Variants in UPB1 observed in about 807,000 individuals in gnomAD.
UPB1 encodes beta-ureidopropionase.
Under a neutral mutation model 49.1 loss-of-function variants are expected in UPB1, and 40 were observed. That is an observed-to-expected ratio of 0.81 (90% CI 0.63 to 1.06). The LOEUF is 1.06. Ranked by LOEUF, UPB1 falls within the 50% of genes least tolerant of loss-of-function variation. UPB1 has a pLI of 0.00. For synonymous variants in UPB1, 207 were observed against 198.2 expected (o/e 1.04, Z -0.38); for missense variants, 499 against 505.9 (o/e 0.99, Z 0.13).
intron 9 of UPB1, among the ~76,000 whole-genome samples, chr22:24,525,389 C>T (rs1478957091): frequency 6.6e-6 from 1 of 152,202 alleles, no homozygotes; most frequent in Non-Finnish European, 1.5e-5. Context: ...GAGCAGGTCA[C>T]TCCTCTCTGG....
Position 24,525,734 on chromosome 22 carries a change from C to T in UPB1, c.1095C>T (p.Tyr365=), listed in dbSNP as rs758505891. ...NFKMTGRYEM[Y]ARELAEAVKS... is the part of the protein sequence containing the mutation. Reference sequence around the variant, plus strand: ...AGATGACGGGCAGGTATGAGATGTACGCACGGGAGCTCGCCGAAGCTGTCA... The same window carrying T: ...AGATGACGGGCAGGTATGAGATGTATGCACGGGAGCTCGCCGAAGCTGTCA... The change falls in exon 10 of 10, where the codon TAC becomes TAT. Residue 365 remains tyrosine (Y), a synonymous_variant. Coordinates refer to ENST00000326010, the MANE Select transcript of UPB1 (RefSeq NM_016327.3). 3.2e-5 allele frequency: 51 copies of T among 1,614,040 alleles called. No homozygotes were observed. In the South Asian group the frequency reaches 4.5e-4, roughly 14 times the overall value.
At position 24,526,255 on chromosome 22, in the gene UPB1, A is replaced by G. The variant is rs1186245706; in HGVS notation, c.*461A>G. On this transcript the variant is annotated 3_prime_UTR_variant, in exon 10 of 10. Transcript: ENST00000326010. The stretch of plus-strand genomic sequence containing the variant: ...GGATGTGTCAGCTTAGCTAGGCCAC[A>G]GTCACCAGTAATTCAATCAGACACT... 1.6e-5 allele frequency: 4 copies of G among 251,438 alleles called. No individual in the cohort carries two copies. The highest frequency in any genetic ancestry group is 3.2e-5 in the Non-Finnish European group (4 of 125,756). The allele number at this position is 251,438 out of a possible 1,614,324, so 15.6% of individuals were successfully genotyped here. A position where few individuals can be genotyped will look rare whatever the true frequency, so the allele number is the denominator to read the frequency against.
intron 1 of UPB1, among the ~76,000 whole-genome samples, chr22:24,496,414 C>CAT (rs150135707): frequency 2.1e-5 from 3 of 141,638 alleles, no homozygotes; most frequent in Admixed American, 1.4e-4. Context: ...TACACACACA[C>CAT]ACACACACAC....
chr22:24,513,341 C>T lies in UPB1; in HGVS notation c.477C>T (p.Asp159=). ...TTTTCCAGCTGGCGAAGAACCATGA[C>T]ATGGTGGTGGTGTCTCCCATCCTGG... ...RFCQKLAKNH[D]MVVVSPILER... is the part of the protein sequence containing the mutation. Residue 159 remains aspartate, a synonymous_variant, in exon 5 of 10, where the codon GAC becomes GAT. Coordinates refer to ENST00000326010, the MANE Select transcript of UPB1 (RefSeq NM_016327.3). The T allele has an allele frequency of 1.9e-6, 3 of 1,614,180 alleles. No individual in the cohort carries two copies. Among genetic ancestry groups the T allele is most frequent in the Admixed American group, 1.7e-5 (1 of 60,026 alleles).
In UPB1 at chr22:24,528,278, G is replaced by A. The variant is rs1282860536; in HGVS notation, c.*2484G>A. The A allele has an allele frequency of 6.6e-6, 1 of 152,196 alleles. No homozygotes were observed. Among genetic ancestry groups the A allele is most frequent in the Non-Finnish European group, 1.5e-5 (1 of 68,038 alleles). 9.4% of individuals were successfully genotyped at this position (152,196 alleles called of 1,614,324 possible). On this transcript the variant is annotated 3_prime_UTR_variant, in exon 10 of 10. Transcript: ENST00000326010. ...GATTATCTGCAACTCTCATTGCCTGGAAACAGAACAGTCAGGCCCATCTTA... is the reference window on the plus strand; with the variant it reads ...GATTATCTGCAACTCTCATTGCCTGAAAACAGAACAGTCAGGCCCATCTTA...
At chr22:24,518,700 C>T (rs2044338484) in intron 6 of UPB1, among the ~76,000 whole-genome samples, 1 of 152,210 alleles carries the variant, frequency 6.6e-6, no homozygotes, top group Admixed American at 6.5e-5. Flanking sequence ...GTTCTAAGTA[C>T]ATAGTAGTGT....
chr22:24,502,126 GTC>G lies in UPB1; in HGVS notation c.281_282del (p.Ser94CysfsTer4). The G allele has an allele frequency of 1.2e-6, 2 of 1,614,096 alleles. No individual in the cohort carries two copies. Among genetic ancestry groups the G allele is most frequent in the South Asian group, 1.1e-5 (1 of 91,084 alleles). On this transcript the variant is annotated frameshift_variant and splice_region_variant, in exon 3 of 10. Transcript: ENST00000326010. LOFTEE classifies it high-confidence loss of function. Reference protein sequence around the residue: ...LPANAPVAEQVSALHRRIKAI... With the variant: ...LPANAPVAEQXSALHRRIKAI... ...ATTCTAATCCTTTTTAAATTCTCAG[GTC>G]TCTGCCCTTCATAGACGCATAAAGG...
Position 24,500,262 on chromosome 22 carries a change from C to A in UPB1, c.260C>A (p.Ala87Asp), listed in dbSNP as rs760991669. The change falls in exon 2 of 10, where the codon GCC (alanine) becomes GAC (aspartate). Residue 87 changes from alanine to aspartate, a missense_variant. By Grantham distance (126) the Ala-to-Asp change is moderately radical. Transcript: ENST00000326010. ...AACAGAATCCCCCTCCCCGCAAATG[C>A]CCCTGTGGCAGAACAGGTGCAGACT... ...VQNRIPLPAN[A>D]PVAEQVSALH... 6.2e-7 allele frequency: 1 copy of A among 1,614,160 alleles called. No individual in the cohort carries two copies. The highest frequency in any genetic ancestry group is 1.1e-5 in the South Asian group (1 of 91,086).
intron 6 of UPB1, among the ~76,000 whole-genome samples, chr22:24,515,791 C>T (rs1310965538): frequency 6.6e-6 from 1 of 152,102 alleles, no homozygotes; most frequent in African/African-American, 2.4e-5. Flanking sequence ...GCCTAGCCAA[C>T]GTGGTGAAAC....
chr22:24,521,856 C>T, intron 7 of UPB1, 130 bp from the exon 8 acceptor site: 2 of 923,540 alleles, frequency 2.2e-6, no homozygotes, highest in Non-Finnish European at 3.5e-6. Context: ...ACCATTCCAG[C>T]TCACCTTAAC....
At chr22:24,505,076 T>A (rs543702327) in intron 3 of UPB1, among the ~76,000 whole-genome samples, 1 of 152,228 alleles carries the variant, frequency 6.6e-6, no homozygotes, top group South Asian at 2.1e-4. Context: ...TCTGGTGGAT[T>A]TGATCTGATT....
At chr22:24,497,164 G>GA (rs2043907019) in intron 1 of UPB1, among the ~76,000 whole-genome samples, 1 of 152,126 alleles carries the variant, frequency 6.6e-6, no homozygotes, top group South Asian at 2.1e-4. Flanking sequence ...TGTATTAAGT[G>GA]AAAAAGGCAA....
intron 7 of UPB1, among the ~76,000 whole-genome samples, chr22:24,521,145 G>A (rs1175268870): frequency 7.2e-6 from 1 of 138,572 alleles, no homozygotes; most frequent in East Asian, 2.1e-4. Flanking sequence ...TCGCGCCACT[G>A]CACTCCAGCT....
chr22:24,504,844 C>T (rs2044059360), intron 3 of UPB1, among the ~76,000 whole-genome samples: 1 of 151,468 alleles, frequency 6.6e-6, no homozygotes. Flanking sequence ...CCTCCCGCCC[C>T]AGCCTCCTGA....
chr22:24,506,614 G>A (rs560934506), intron 3 of UPB1, among the ~76,000 whole-genome samples: 6 of 152,284 alleles, frequency 3.9e-5, no homozygotes, highest in Admixed American at 3.9e-4. Context: ...AAGAACACGT[G>A]TCTGTGTCCC....
intron 1 of UPB1, among the ~76,000 whole-genome samples, chr22:24,496,838 A>G (rs1469118710): frequency 6.6e-6 from 1 of 152,196 alleles, no homozygotes; most frequent in Non-Finnish European, 1.5e-5. Flanking sequence ...TGGCTCAGAA[A>G]TGTCTAGCGG....
rs1012330972 is a variant in UPB1 at position 24,496,404 on chromosome 22, T to TACACACAC, written c.104+912_104+919dup. On this transcript the variant is annotated intron_variant, in intron 1 of 9. Coordinates refer to ENST00000326010, the MANE Select transcript of UPB1 (RefSeq NM_016327.3). ...ACACACACACACACACACACACACA[T>TACACACAC]ACACACACACACACACACACACGTC... Among the ~76,000 whole-genome samples the TACACACAC allele has an allele frequency of 2.8e-4, 36 of 126,986 alleles. No homozygotes were observed. The South Asian group carries it at 5.4e-3, about 19-fold the overall frequency. The allele number at this position is 126,986 out of a possible 152,430, so 83.3% of individuals were successfully genotyped here. A position where few individuals can be genotyped will look rare whatever the true frequency, so the allele number is the denominator to read the frequency against.
rs907145162 is a variant in UPB1 at position 24,527,802 on chromosome 22, A to G, written c.*2008A>G. ...ACCTAATGGCCCTTCTTGCACCTTT[A>G]AAAAAAAAAAAAAAAAATTCCAGTC... is the stretch of plus-strand genomic sequence containing the variant. On this transcript the variant is annotated 3_prime_UTR_variant, in exon 10 of 10. Coordinates refer to ENST00000326010, the MANE Select transcript of UPB1 (RefSeq NM_016327.3). The G allele has an allele frequency of 1.8e-5, 2 of 111,448 alleles. No homozygotes were observed. Among genetic ancestry groups the G allele is most frequent in the Admixed American group, 1.7e-4 (2 of 11,788 alleles). The allele number at this position is 111,448 out of a possible 1,614,324, so 6.9% of individuals were successfully genotyped here.
At chr22:24,517,834 G>A (rs1362427800) in intron 6 of UPB1, among the ~76,000 whole-genome samples, 3 of 152,192 alleles carry the variant, frequency 2.0e-5, no homozygotes, top group Non-Finnish European at 4.4e-5. Context: ...GCCTGATAAT[G>A]ATGCTCCTAG....
Sources: gnomAD v4.1 joint callset for allele counts (sites outside exome capture counted in the v4.1 genomes callset) on GRCh38, gnomAD v4.1.1 for gene constraint, MANE v1.5 for transcripts, NCBI Gene and HGNC (gene_info 2026-07-23, HGNC 2026-07-21) for gene names.